RGS6: variants seen among roughly 807,000 people sequenced by gnomAD.
RGS6 encodes regulator of G-protein signaling 6.
Under a neutral mutation model 78.5 loss-of-function variants are expected in RGS6, and 30 were observed. That is an observed-to-expected ratio of 0.38 (90% confidence interval 0.29 to 0.52). The LOEUF (loss-of-function observed/expected upper bound fraction) is 0.52. RGS6 is among the 20% of genes least tolerant of loss of function. The probability of loss-of-function intolerance (pLI) is 0.85; values close to 1 mark genes in which losing one functional copy is unlikely to be tolerated. For synonymous variants in RGS6, 206 were observed against 206.0 expected (o/e 1.00, Z 0.00); for missense variants, 495 against 609.7 (o/e 0.81, Z 1.98).
At chr14:71,989,794 G>T (rs8012646) in intron 2 of RGS6, among the ~76,000 whole-genome samples, 2 of 152,082 alleles carry the variant, frequency 1.3e-5, no homozygotes, top group African/African-American at 2.4e-5. Flanking sequence ...CTCCAGAGAC[G>T]AATTTCACGT....
At chr14:71,938,154 T>C (rs778134955) in intron 1 of RGS6, among the ~76,000 whole-genome samples, 1 of 152,298 alleles carries the variant, frequency 6.6e-6, no homozygotes, top group African/African-American at 2.4e-5. Flanking sequence ...CACCCGTTGG[T>C]GAGCACTTAC....
chr14:72,237,675 A>C (rs1426217900), intron 2 of RGS6, among the ~76,000 whole-genome samples: 1 of 152,086 alleles, frequency 6.6e-6, no homozygotes, highest in Non-Finnish European at 1.5e-5. Context: ...ACCCCTTTGC[A>C]GGACTTGTGA....
chr14:72,174,598 A>C (rs1340271667), intron 2 of RGS6, among the ~76,000 whole-genome samples: 3 of 152,152 alleles, frequency 2.0e-5, no homozygotes, highest in Admixed American at 6.5e-5. Context: ...TTGCCATCCC[A>C]ATATCTAGCC....
At chr14:72,540,851 TAG>T in intron 17 of RGS6, 1 of 985,294 alleles carries the variant, frequency 1.0e-6, no homozygotes, top group Non-Finnish European at 1.2e-6. Context: ...ACGCCCCAGC[TAG>T]AGAGGTAGAG....
rs111806941 is a variant in RGS6 at position 72,447,157 on chromosome 14, AG to A, written c.185-7369del. Among the ~76,000 whole-genome samples, 99 of 152,146 alleles carry A rather than the reference AG, an allele frequency of 6.5e-4. 1 individual carries two copies. The highest frequency in any genetic ancestry group is 2.2e-3 in the African/African-American group (90 of 41,492). On this transcript the variant is annotated intron_variant, in intron 3 of 17. Coordinates refer to ENST00000553525, the MANE Select transcript of RGS6 (RefSeq NM_001204424.2). ...GGGAAAGGCAGTCCCAAGGCAGGAG[AG>A]GTGGGGGAAGAAGAAGAGGGTGTTG...
intron 3 of RGS6, among the ~76,000 whole-genome samples, chr14:72,407,527 ATATTTGG>A (rs2093037417): frequency 6.6e-6 from 1 of 152,226 alleles, no homozygotes; most frequent in Non-Finnish European, 1.5e-5. Context: ...AAGTACTCAG[ATATTTGG>A]TCAAACATGA....
intron 17 of RGS6, among the ~76,000 whole-genome samples, chr14:72,557,029 C>T (rs995799041): frequency 6.6e-6 from 1 of 152,208 alleles, no homozygotes; most frequent in African/African-American, 2.4e-5. Context: ...AGGAATGGGT[C>T]AGCCACAGGC....
intron 2 of RGS6, among the ~76,000 whole-genome samples, chr14:72,076,780 C>T (rs561561951): frequency 1.3e-5 from 2 of 152,230 alleles, no homozygotes; most frequent in East Asian, 3.9e-4. Context: ...AATCCTCCCA[C>T]CTCAGCCTCC....
intron 2 of RGS6, among the ~76,000 whole-genome samples, chr14:72,304,561 C>G (rs146180216): frequency 6.6e-6 from 1 of 152,150 alleles, no homozygotes; most frequent in Non-Finnish European, 1.5e-5. Flanking sequence ...AAGTATGGGT[C>G]AAATGCTATG....
chr14:72,134,376 G>A (rs1598168519), intron 2 of RGS6, among the ~76,000 whole-genome samples: 1 of 152,322 alleles, frequency 6.6e-6, no homozygotes, highest in South Asian at 2.1e-4. Context: ...TTCTTCTAAA[G>A]TCTGCACATA....
intron 7 of RGS6, chr14:72,469,530 T>C (rs2096017610): frequency 6.5e-6 from 1 of 153,124 alleles, no homozygotes; most frequent in African/African-American, 2.4e-5. Flanking sequence ...ATCCTGACAT[T>C]AGAAAAAGCA....
intron 2 of RGS6, among the ~76,000 whole-genome samples, chr14:71,968,610 A>C (rs1309168964): frequency 2.0e-5 from 3 of 152,172 alleles, no homozygotes; most frequent in African/African-American, 7.2e-5. Flanking sequence ...TTTCCCATGG[A>C]AGCCATAATG....
chr14:71,903,402 A>C, the RGS6 span, among the ~76,000 whole-genome samples: 1 of 152,228 alleles, frequency 6.6e-6, no homozygotes, highest in East Asian at 1.9e-4. Context: ...TCTTCAACCC[A>C]CATTTTGAAA....
At chr14:72,121,129 G>A (rs959036358) in intron 2 of RGS6, among the ~76,000 whole-genome samples, 1 of 152,084 alleles carries the variant, frequency 6.6e-6, no homozygotes, top group Admixed American at 6.6e-5. Context: ...CAGCATCAAG[G>A]CTGGCTTCTC....
downstream of RGS6, among the ~76,000 whole-genome samples, chr14:72,568,368 G>A (rs2097716440): frequency 6.6e-6 from 1 of 152,206 alleles, no homozygotes; most frequent in Non-Finnish European, 1.5e-5. Flanking sequence ...GTCTGAGATA[G>A]GCATTGAAAG....
the RGS6 span, among the ~76,000 whole-genome samples, chr14:71,899,560 C>G: frequency 6.6e-6 from 1 of 152,174 alleles, no homozygotes; most frequent in Non-Finnish European, 1.5e-5. Flanking sequence ...CAGGTAATTT[C>G]ATTTTGCCTT....
At chr14:72,410,162 T>C (rs1169425728) in intron 3 of RGS6, among the ~76,000 whole-genome samples, 2 of 152,214 alleles carry the variant, frequency 1.3e-5, no homozygotes, top group Non-Finnish European at 2.9e-5. Flanking sequence ...ATGGTTGAAC[T>C]AGTTTACAGT....
chr14:71,995,702 G>A (rs1272791765), intron 2 of RGS6, among the ~76,000 whole-genome samples: 1 of 152,154 alleles, frequency 6.6e-6, no homozygotes, highest in Non-Finnish European at 1.5e-5. Flanking sequence ...ATATTCTTAT[G>A]TAGTCAAGAA....
At chr14:72,120,240 G>A (rs1274700698) in intron 2 of RGS6, among the ~76,000 whole-genome samples, 1 of 152,200 alleles carries the variant, frequency 6.6e-6, no homozygotes, top group Non-Finnish European at 1.5e-5. Flanking sequence ...AGGAGCACTA[G>A]AGATTATCTA....
Sources: allele counts gnomAD v4.1 joint callset (sites outside exome capture counted in the v4.1 genomes callset), GRCh38; gene constraint gnomAD v4.1.1; transcripts MANE v1.5; gene names NCBI Gene and HGNC (gene_info 2026-07-23, HGNC 2026-07-21).